CCDC148: variants seen among roughly 807,000 people sequenced by gnomAD.
The protein encoded by CCDC148 is coiled-coil domain containing 148, also known as coiled-coil domain-containing protein 148.
CCDC148 carries 89 observed loss-of-function variants against 85.7 expected under a neutral mutation model. The observed-to-expected ratio is 1.04, with a 90% CI of 0.87 to 1.24. The LOEUF is 1.24. CCDC148 is among the 50% of genes most tolerant of loss of function. CCDC148 has a pLI of 0.00. For synonymous variants in CCDC148, 230 were observed against 213.9 expected (o/e 1.08, Z -0.66); for missense variants, 692 against 671.7 (o/e 1.03, Z -0.33).
intron 1 of CCDC148, among the ~76,000 whole-genome samples, chr2:158,441,375 G>T (rs901770016): frequency 6.6e-6 from 1 of 152,048 alleles, no homozygotes; most frequent in Non-Finnish European, 1.5e-5. Flanking sequence ...TGAATGAATC[G>T]TATTTAAAAT....
chr2:158,262,387 G>A (rs1046465288), intron 9 of CCDC148, among the ~76,000 whole-genome samples: 4 of 151,830 alleles, frequency 2.6e-5, no homozygotes, highest in African/African-American at 9.7e-5. Flanking sequence ...AGGGAGAGGA[G>A]CAGAAAAATA....
intron 10 of CCDC148, among the ~76,000 whole-genome samples, chr2:158,227,089 A>T (rs1470336072): frequency 6.6e-6 from 1 of 152,208 alleles, no homozygotes; most frequent in Non-Finnish European, 1.5e-5. Context: ...CCTTAAGCTG[A>T]TAGGCAACTT....
intron 9 of CCDC148, among the ~76,000 whole-genome samples, chr2:158,254,708 A>G (rs548238468): frequency 6.6e-6 from 1 of 151,724 alleles, no homozygotes; most frequent in African/African-American, 2.4e-5. Context: ...AATTTTAATG[A>G]AAATAAGTTA....
intron 9 of CCDC148, among the ~76,000 whole-genome samples, chr2:158,259,111 C>A (rs1479129203): frequency 6.6e-6 from 1 of 151,610 alleles, no homozygotes; most frequent in East Asian, 1.9e-4. Context: ...AGTGTTCTTT[C>A]CCCCTCCCTG....
chr2:158,227,414 T>A (rs1687604363), intron 10 of CCDC148, among the ~76,000 whole-genome samples: 1 of 152,066 alleles, frequency 6.6e-6, no homozygotes, highest in African/African-American at 2.4e-5. Flanking sequence ...GCCATCCCCA[T>A]CAAGCTACCA....
At chr2:158,406,887 T>G (rs1559124903) in intron 1 of CCDC148, among the ~76,000 whole-genome samples, 1 of 152,104 alleles carries the variant, frequency 6.6e-6, no homozygotes, top group Non-Finnish European at 1.5e-5. Context: ...CCTCTCAAAG[T>G]GCAGGGATTA....
intron 9 of CCDC148, among the ~76,000 whole-genome samples, chr2:158,254,562 A>G (rs1277517381): frequency 6.6e-6 from 1 of 151,770 alleles, no homozygotes; most frequent in East Asian, 1.9e-4. Flanking sequence ...GTAAAATATA[A>G]TGCATATGCA....
chr2:158,200,384 T>G (rs1685894411), intron 11 of CCDC148, among the ~76,000 whole-genome samples: 1 of 152,198 alleles, frequency 6.6e-6, no homozygotes, highest in African/African-American at 2.4e-5. Flanking sequence ...AAACAGTAAG[T>G]TGGGTCTTGA....
chr2:158,211,485 A>G (rs576178835), intron 11 of CCDC148, among the ~76,000 whole-genome samples: 1 of 152,262 alleles, frequency 6.6e-6, no homozygotes, highest in Non-Finnish European at 1.5e-5. Flanking sequence ...GACCTTTACC[A>G]GACACATACC....
chr2:158,271,804 T>A (rs1344827121), intron 9 of CCDC148, among the ~76,000 whole-genome samples: 1 of 152,144 alleles, frequency 6.6e-6, no homozygotes, highest in Non-Finnish European at 1.5e-5. Flanking sequence ...TATTATAGTA[T>A]GGAAATCAGA....
At chr2:158,275,297 T>C (rs879309676) in intron 9 of CCDC148, among the ~76,000 whole-genome samples, 2 of 152,236 alleles carry the variant, frequency 1.3e-5, no homozygotes, top group Non-Finnish European at 2.9e-5. Context: ...TTGTCCTCTC[T>C]TATAAGATAG....
At chr2:158,177,262 C>T (rs1293440798) in intron 12 of CCDC148, among the ~76,000 whole-genome samples, 1 of 151,700 alleles carries the variant, frequency 6.6e-6, no homozygotes, top group Non-Finnish European at 1.5e-5. Context: ...ACCCAAATGC[C>T]CTTGTCTTTT....
At chr2:158,373,964 A>C (rs1684552459) in intron 1 of CCDC148, among the ~76,000 whole-genome samples, 1 of 152,092 alleles carries the variant, frequency 6.6e-6, no homozygotes, top group African/African-American at 2.4e-5. Flanking sequence ...GATATTCAAT[A>C]CATATTTGCT....
At position 158,220,653 on chromosome 2, in the gene CCDC148, G is replaced by A. The variant is rs756574789; in HGVS notation, c.1312C>T (p.Gln438Ter). 11 of 1,598,786 alleles carry A rather than the reference G, an allele frequency of 6.9e-6. No individual in the cohort carries two copies. In the East Asian group the frequency reaches 2.3e-4, roughly 33 times the overall value. The change falls in exon 11 of 14, where the codon CAG (glutamine) becomes TAG (stop). Residue 438 changes from glutamine to a stop codon, truncating the protein, a stop_gained. Transcript: ENST00000283233. LOFTEE classifies it high-confidence loss of function. ...KWQEMEMRDL[Q>*]RLEELKKLIA... ...AATTTCTTCAGTTCTTCTAGACGCT[G>A]AAGATCTCTCATTTCCATTTCTTGC... is the stretch of plus-strand genomic sequence containing the variant.
At chr2:158,437,304 G>A (rs1320322669) in intron 1 of CCDC148, among the ~76,000 whole-genome samples, 2 of 152,146 alleles carry the variant, frequency 1.3e-5, no homozygotes, top group East Asian at 3.9e-4. Context: ...TCATCCCTGG[G>A]ATACAAGGCT....
chr2:158,343,939 G>C (rs1190903123), intron 3 of CCDC148, among the ~76,000 whole-genome samples: 1 of 151,816 alleles, frequency 6.6e-6, no homozygotes, highest in Non-Finnish European at 1.5e-5. Flanking sequence ...TGTCATTCCA[G>C]GTCAGCCAAA....
chr2:158,273,271 A>G (rs936234898), intron 9 of CCDC148, among the ~76,000 whole-genome samples: 2 of 152,226 alleles, frequency 1.3e-5, no homozygotes, highest in Admixed American at 1.3e-4. Context: ...GGCATGATAT[A>G]TAGGGAACAA....
intron 1 of CCDC148, among the ~76,000 whole-genome samples, chr2:158,392,662 A>G (rs1685363565): frequency 6.6e-6 from 1 of 152,114 alleles, no homozygotes; most frequent in South Asian, 2.1e-4. Context: ...ATTACTATAT[A>G]CTATATAAAT....
intron 11 of CCDC148, among the ~76,000 whole-genome samples, chr2:158,204,706 C>G (rs912441919): frequency 6.7e-6 from 1 of 148,990 alleles, no homozygotes; most frequent in South Asian, 2.2e-4. Flanking sequence ...ATCCTCTCCA[C>G]GCCCTGTCAA....
Sources: gnomAD v4.1 joint callset for allele counts (sites outside exome capture counted in the v4.1 genomes callset) on GRCh38, gnomAD v4.1.1 for gene constraint, MANE v1.5 for transcripts, NCBI Gene and HGNC (gene_info 2026-07-23, HGNC 2026-07-21) for gene names.